PCDHGB1: variants seen among roughly 807,000 people sequenced by gnomAD.
The protein encoded by PCDHGB1 is protocadherin gamma-B1.
A neutral mutation model predicts 56.6 loss-of-function variants in PCDHGB1; 34 were observed. That is an observed-to-expected ratio of 0.60 (90% confidence interval 0.46 to 0.80). PCDHGB1 has a LOEUF of 0.80. Ranked by LOEUF, PCDHGB1 falls within the 30% of genes least tolerant of loss-of-function variation. PCDHGB1 has a pLI of 0.00. For synonymous variants in PCDHGB1, 561 were observed against 505.9 expected (o/e 1.11, Z -1.46); for missense variants, 1,278 against 1,204.6 (o/e 1.06, Z -0.90).
At chr5:141,452,881 T>A (rs1273440996) in intron 1 of PCDHGB1, among the ~76,000 whole-genome samples, 1 of 152,166 alleles carries the variant, frequency 6.6e-6, no homozygotes, top group African/African-American at 2.4e-5. Context: ...TTTGTAATAA[T>A]TTATTCCACT....
At chr5:141,393,297 G>T (rs376887343) in intron 1 of PCDHGB1, 3 of 1,613,934 alleles carry the variant, frequency 1.9e-6, no homozygotes, top group Non-Finnish European at 1.7e-6. Context: ...TGACCCGGAT[G>T]TGGGCGTGAA....
At chr5:141,409,334 G>A (rs767579166) in intron 1 of PCDHGB1, 1 of 1,613,974 alleles carries the variant, frequency 6.2e-7, no homozygotes, top group South Asian at 1.1e-5. Flanking sequence ...GGATTTCGGA[G>A]GAAATGGAGA....
At chr5:141,494,522 G>C (rs2099754911) in intron 1 of PCDHGB1, among the ~76,000 whole-genome samples, 1 of 152,196 alleles carries the variant, frequency 6.6e-6, no homozygotes, top group Non-Finnish European at 1.5e-5. Flanking sequence ...CAGGAGTTCT[G>C]ACTCTGGGGG....
Position 141,350,435 on chromosome 5 carries a change from T to C in PCDHGB1, c.175T>C (p.Leu59=), listed in dbSNP as rs1758474649. The C allele has an allele frequency of 1.1e-5, 17 of 1,609,526 alleles. No homozygotes were observed. The highest frequency in any genetic ancestry group is 4.4e-5 in the South Asian group (4 of 90,968). The change falls in exon 1 of 4, where the codon TTG becomes CTG. Residue 59 remains leucine, a synonymous_variant. Coordinates refer to ENST00000523390, the MANE Select transcript of PCDHGB1 (RefSeq NM_018922.3). ...AKDLGLSVRE[L]PTRKLRVSAE... ...GGATCTGGGGCTCAGTGTCCGGGAG[T>C]TGCCAACTCGAAAACTGCGGGTTAG...
chr5:141,477,629 C>T lies in PCDHGB1; in HGVS notation c.2410-17178C>T, dbSNP rs1191573380. 6.2e-7 allele frequency: 1 copy of T among 1,614,158 alleles called. No homozygotes were observed. Reference sequence around the variant, plus strand: ...CTTGGAGCAAGGAGCTGAAACCGGGCTAGTGGGTCGCTATTTCACAATAAA... The same window carrying T: ...CTTGGAGCAAGGAGCTGAAACCGGGTTAGTGGGTCGCTATTTCACAATAAA... On this transcript the variant is annotated intron_variant, in intron 1 of 3. Coordinates refer to ENST00000523390, the MANE Select transcript of PCDHGB1 (RefSeq NM_018922.3). The surrounding 1 kb of genome is among the most constrained non-coding windows in gnomAD (Gnocchi z 4.9).
chr5:141,486,659 G>A lies in PCDHGB1; in HGVS notation c.2410-8148G>A, dbSNP rs758578821. The stretch of plus-strand genomic sequence containing the variant: ...TGCGCTTATCTCCTACTCACTCCTG[G>A]AGCCCAGGAATCGAGATGTATCAGC... On this transcript the variant is annotated intron_variant, in intron 1 of 3. Transcript: ENST00000523390. This position sits in a 1 kb window ranked among gnomAD's most constrained non-coding sequence, Gnocchi z 5.0. 5.0e-6 allele frequency: 8 copies of A among 1,613,944 alleles called. No homozygotes were observed. Among genetic ancestry groups the A allele is most frequent in the Middle Eastern group, 1.6e-4 (1 of 6,062 alleles).
At chr5:141,417,003 A>T (rs1444236854) in intron 1 of PCDHGB1, 1 of 150,264 alleles carries the variant, frequency 6.7e-6, no homozygotes, top group African/African-American at 2.5e-5. Flanking sequence ...CATCTCAAAT[A>T]ATTCTATTAT....
intron 1 of PCDHGB1, chr5:141,413,356 C>T: frequency 6.2e-7 from 1 of 1,613,962 alleles, no homozygotes; most frequent in South Asian, 1.1e-5. Context: ...TCTGGCGCCC[C>T]GGGAGCTGGC....
intron 1 of PCDHGB1, among the ~76,000 whole-genome samples, chr5:141,469,484 A>AGAATCGCT (rs1279677032): frequency 6.6e-6 from 1 of 152,074 alleles, no homozygotes; most frequent in African/African-American, 2.4e-5. Flanking sequence ...CTGAGGCAGG[A>AGAATCGCT]GAATCGCTTG....
chr5:141,381,817 TTTC>T (rs1262770842), intron 1 of PCDHGB1, among the ~76,000 whole-genome samples: 8 of 136,196 alleles, frequency 5.9e-5, no homozygotes, highest in African/African-American at 2.1e-4. Context: ...TCTTTCTTTC[TTTC>T]TTCTTCTTTT....
At chr5:141,438,418 G>C (rs2097959406) in intron 1 of PCDHGB1, among the ~76,000 whole-genome samples, 1 of 151,534 alleles carries the variant, frequency 6.6e-6, no homozygotes, top group Admixed American at 6.6e-5. Flanking sequence ...ATTTCACACA[G>C]TAGTTTGTAC....
intron 1 of PCDHGB1, chr5:141,361,230 G>T: frequency 6.2e-7 from 1 of 1,613,982 alleles, no homozygotes; most frequent in Non-Finnish European, 8.5e-7. Flanking sequence ...CAGGAACAGT[G>T]ATCGCCTTGA....
intron 1 of PCDHGB1, chr5:141,399,347 A>G: frequency 6.2e-7 from 1 of 1,613,926 alleles, no homozygotes. Flanking sequence ...GGAACCCTAG[A>G]CCGAGAGCAA....
intron 1 of PCDHGB1, chr5:141,365,450 G>A: frequency 6.2e-7 from 1 of 1,614,010 alleles, no homozygotes; most frequent in Non-Finnish European, 8.5e-7. Context: ...CGTACATGAT[G>A]GTGATTCTGG....
intron 1 of PCDHGB1, among the ~76,000 whole-genome samples, chr5:141,401,525 G>A (rs1055771013): frequency 6.6e-6 from 1 of 152,096 alleles, no homozygotes; most frequent in Non-Finnish European, 1.5e-5. Flanking sequence ...ATTACCAGAA[G>A]AAACTTACAA....
intron 1 of PCDHGB1, among the ~76,000 whole-genome samples, chr5:141,463,087 C>T (rs971667191): frequency 6.6e-6 from 1 of 152,120 alleles, no homozygotes; most frequent in Non-Finnish European, 1.5e-5. Context: ...CATTTTCCAG[C>T]CCTATGTGAC....
intron 1 of PCDHGB1, among the ~76,000 whole-genome samples, chr5:141,438,976 C>T (rs2098079529): frequency 6.6e-6 from 1 of 151,928 alleles, no homozygotes; most frequent in Non-Finnish European, 1.5e-5. Context: ...AACTGTCTGA[C>T]TTATCTTAAA....
chr5:141,413,263 G>A, intron 1 of PCDHGB1: 1 of 1,613,940 alleles, frequency 6.2e-7, no homozygotes, highest in Admixed American at 1.7e-5. Flanking sequence ...TCCATGGGAG[G>A]CTGGAGCCCG....
chr5:141,479,860 C>T (rs1374284598), intron 1 of PCDHGB1, among the ~76,000 whole-genome samples: 2 of 152,108 alleles, frequency 1.3e-5, no homozygotes, highest in Admixed American at 6.5e-5. Context: ...AAGGCCTTTG[C>T]CCTGGAGAGA....
Sources: gnomAD v4.1 joint callset for allele counts (sites outside exome capture counted in the v4.1 genomes callset) on GRCh38, gnomAD v4.1.1 for gene constraint, Gnocchi (gnomAD v3.1) non-coding constraint, MANE v1.5 for transcripts, NCBI Gene and HGNC (gene_info 2026-07-23, HGNC 2026-07-21) for gene names.